Variants in TRPM3 observed in about 807,000 individuals in gnomAD.
TRPM3 encodes the protein long transient receptor potential channel 3.
In TRPM3, 77 loss-of-function variants were observed where a neutral mutation model predicts 181.2. The ratio of observed to expected loss-of-function variants is 0.42; its 90% CI spans 0.35 to 0.51. TRPM3 has a LOEUF of 0.51. TRPM3 is among the 20% of genes least tolerant of loss of function. The probability of loss-of-function intolerance (pLI) is 0.01; values close to 1 mark genes in which losing one functional copy is unlikely to be tolerated. For missense variants in TRPM3, 1,759 were observed against 2,196.7 expected (o/e 0.80, Z 3.98); for synonymous variants, 745 against 796.4 (o/e 0.94, Z 1.09).
chr9:70,989,815 G>C (rs998481405), intron 1 of TRPM3, among the ~76,000 whole-genome samples: 2 of 152,148 alleles, frequency 1.3e-5, no homozygotes, highest in Non-Finnish European at 2.9e-5. Flanking sequence ...ATAGAAGCAT[G>C]ATGATCTCTT....
At chr9:70,991,762 G>C (rs2097488890) in intron 1 of TRPM3, among the ~76,000 whole-genome samples, 1 of 152,026 alleles carries the variant, frequency 6.6e-6, no homozygotes, top group African/African-American at 2.4e-5. Flanking sequence ...GCTCATAGAA[G>C]GCCTTCCGTG....
At chr9:71,418,467 G>C (rs532140353) in intron 1 of TRPM3, among the ~76,000 whole-genome samples, 1 of 151,752 alleles carries the variant, frequency 6.6e-6, no homozygotes, top group East Asian at 1.9e-4. Context: ...ATTCCAAAAG[G>C]GAGCCTCTAA....
At chr9:71,008,581 G>C (rs1386722524) in intron 1 of TRPM3, among the ~76,000 whole-genome samples, 1 of 152,202 alleles carries the variant, frequency 6.6e-6, no homozygotes, top group Non-Finnish European at 1.5e-5. Context: ...GGTGGCTCAT[G>C]CTTGTAATTC....
At chr9:71,434,958 G>A (rs185010348) in intron 1 of TRPM3, among the ~76,000 whole-genome samples, 36 of 152,122 alleles carry the variant, frequency 2.4e-4, no homozygotes, top group African/African-American at 8.2e-4. Context: ...TTCAACTTAA[G>A]TGTTGTTCTC....
chr9:71,308,431 G>A (rs2087592906), intron 1 of TRPM3, among the ~76,000 whole-genome samples: 1 of 152,030 alleles, frequency 6.6e-6, no homozygotes, highest in African/African-American at 2.4e-5. Flanking sequence ...ATCAATTTGT[G>A]ATTACTACAT....
chr9:70,871,055 A>C (rs1204261862), intron 1 of TRPM3, among the ~76,000 whole-genome samples: 2 of 151,954 alleles, frequency 1.3e-5, no homozygotes, highest in Admixed American at 6.6e-5. Context: ...TAGAGGGATC[A>C]GTGGGGAAGA....
At chr9:71,424,644 G>T (rs1257877583) in intron 1 of TRPM3, among the ~76,000 whole-genome samples, 1 of 151,950 alleles carries the variant, frequency 6.6e-6, no homozygotes, top group East Asian at 1.9e-4. Context: ...TATCTTCTCT[G>T]GCCTTCTCTC....
At chr9:70,676,331 C>G (rs903410986) in intron 9 of TRPM3, among the ~76,000 whole-genome samples, 1 of 152,072 alleles carries the variant, frequency 6.6e-6, no homozygotes, top group Admixed American at 6.6e-5. Flanking sequence ...GAATCCAAGG[C>G]CTATGAGAAT....
intron 1 of TRPM3, among the ~76,000 whole-genome samples, chr9:71,279,040 A>AAAAG: frequency 1.0e-5 from 1 of 96,550 alleles, no homozygotes; most frequent in East Asian, 2.3e-4. Context: ...TAGGTTAAAA[A>AAAAG]AAATAAAAAT....
intron 1 of TRPM3, among the ~76,000 whole-genome samples, chr9:71,223,486 G>A (rs2080371704): frequency 6.6e-6 from 1 of 152,202 alleles, no homozygotes; most frequent in South Asian, 2.1e-4. Flanking sequence ...TACAACTGTG[G>A]TAGCTACCAG....
At chr9:71,344,386 G>T (rs979305038) in intron 1 of TRPM3, among the ~76,000 whole-genome samples, 1 of 152,208 alleles carries the variant, frequency 6.6e-6, no homozygotes, top group African/African-American at 2.4e-5. Flanking sequence ...AGGAGGTGGA[G>T]GTTGCAGTGA....
intron 1 of TRPM3, among the ~76,000 whole-genome samples, chr9:70,950,681 CCAA>C: frequency 6.6e-6 from 1 of 152,240 alleles, no homozygotes; most frequent in South Asian, 2.1e-4. Flanking sequence ...GAGGAGAAAA[CCAA>C]CATTAGAAAC....
At chr9:71,096,529 G>T (rs1274407404) in intron 1 of TRPM3, among the ~76,000 whole-genome samples, 2 of 143,678 alleles carry the variant, frequency 1.4e-5, no homozygotes, top group East Asian at 2.1e-4. Context: ...CTTCCCAAAT[G>T]ACTGTTGGAA....
intron 2 of TRPM3, 139 bp from the exon 3 acceptor site, chr9:70,863,251 A>G (rs1405852307): frequency 1.5e-5 from 10 of 669,358 alleles, no homozygotes; most frequent in East Asian, 2.7e-5. Context: ...CCATGTGGCT[A>G]TATCAGGTAT....
At chr9:70,794,415 T>C (rs1436263681) in intron 6 of TRPM3, among the ~76,000 whole-genome samples, 1 of 152,142 alleles carries the variant, frequency 6.6e-6, no homozygotes, top group Non-Finnish European at 1.5e-5. Flanking sequence ...ACCTTCTACA[T>C]TCCAGTGAGG....
At chr9:71,332,271 T>A (rs1409600942) in intron 1 of TRPM3, among the ~76,000 whole-genome samples, 2 of 151,706 alleles carry the variant, frequency 1.3e-5, no homozygotes, top group African/African-American at 4.8e-5. Flanking sequence ...ATTCCACTAT[T>A]TTATGATTTT....
chr9:71,305,654 A>G (rs373888549), intron 1 of TRPM3, among the ~76,000 whole-genome samples: 1 of 152,210 alleles, frequency 6.6e-6, no homozygotes, highest in Non-Finnish European at 1.5e-5. Context: ...CAGTGTAATG[A>G]AAAGCACAAT....
intron 7 of TRPM3, among the ~76,000 whole-genome samples, chr9:70,776,769 T>C (rs1183094365): frequency 6.6e-6 from 1 of 152,196 alleles, no homozygotes; most frequent in Non-Finnish European, 1.5e-5. Flanking sequence ...TACAGAGGGC[T>C]TGTGGTAACA....
At chr9:70,542,200 C>T (rs890368607) in intron 25 of TRPM3, among the ~76,000 whole-genome samples, 4 of 152,004 alleles carry the variant, frequency 2.6e-5, no homozygotes, top group Non-Finnish European at 4.4e-5. Flanking sequence ...AGTTTTGAGT[C>T]ATGATTGTAG....
Sources: gnomAD v4.1 joint callset for allele counts (sites outside exome capture counted in the v4.1 genomes callset) on GRCh38, gnomAD v4.1.1 for gene constraint, MANE v1.5 for transcripts, NCBI Gene and HGNC (gene_info 2026-07-23, HGNC 2026-07-21) for gene names.